The following GALNT18 variants were observed in gnomAD, a reference collection of about 807,000 sequenced individuals.
The protein encoded by GALNT18 is polypeptide N-acetylgalactosaminyltransferase 18, also known as GalNAc-transferase 18.
GALNT18 carries 44 observed loss-of-function variants against 69.5 expected under a neutral mutation model. The ratio of observed to expected loss-of-function variants is 0.63; its 90% confidence interval spans 0.50 to 0.81. The LOEUF is 0.81. Among genes scored for constraint, GALNT18 ranks in the 40% least tolerant of loss-of-function variants. The pLI, the probability that GALNT18 is intolerant of heterozygous loss-of-function variation, is 0.00. For synonymous variants in GALNT18, 364 were observed against 318.2 expected (o/e 1.14, Z -1.53); for missense variants, 715 against 810.0 (o/e 0.88, Z 1.42).
In GALNT18 at chr11:11,341,059, C is replaced by G; in HGVS notation, c.1093-55G>C. Reference sequence around the variant, plus strand: ...GCCTGCCTGGCTCTGCCTTTCTACACCAGGCCTCAGGCAGCCACTTGACAT... The same window carrying G: ...GCCTGCCTGGCTCTGCCTTTCTACAGCAGGCCTCAGGCAGCCACTTGACAT... On this transcript the variant is annotated intron_variant, in intron 6 of 10. Coordinates refer to ENST00000227756, the MANE Select transcript of GALNT18 (RefSeq NM_198516.3). This position sits in a 1 kb window ranked among gnomAD's most constrained non-coding sequence, Gnocchi z 6.3. 6.6e-7 allele frequency: 1 copy of G among 1,519,608 alleles called. No homozygotes were observed. The highest frequency in any genetic ancestry group is 8.9e-7 in the Non-Finnish European group (1 of 1,126,940). 94.1% of individuals were successfully genotyped at this position (1,519,608 alleles called of 1,614,324 possible). A position where few individuals can be genotyped will look rare whatever the true frequency, so the allele number is the denominator to read the frequency against.
chr11:11,303,861 A>G (rs1055757320), intron 9 of GALNT18, among the ~76,000 whole-genome samples: 1 of 152,216 alleles, frequency 6.6e-6, no homozygotes, highest in Admixed American at 6.5e-5. Context: ...CCTTTGGTGA[A>G]AAGCACATTT....
intron 1 of GALNT18, among the ~76,000 whole-genome samples, chr11:11,554,991 T>A (rs1224663536): frequency 4.6e-5 from 7 of 152,190 alleles, no homozygotes; most frequent in African/African-American, 1.7e-4. Context: ...CTGAACCTAC[T>A]CTTGCAGGCA....
chr11:11,340,777 C>T lies in GALNT18; in HGVS notation c.1278+42G>A. Reference sequence around the variant, plus strand: ...TCCCATATCTTGTTTTGTTTGTTTTCCACCAATCCCCGAGAAACTCATCCC... The same window carrying T: ...TCCCATATCTTGTTTTGTTTGTTTTTCACCAATCCCCGAGAAACTCATCCC... On this transcript the variant is annotated intron_variant, in intron 7 of 10. Transcript: ENST00000227756. This position sits in a 1 kb window ranked among gnomAD's most constrained non-coding sequence, Gnocchi z 4.2. 6.5e-7 allele frequency: 1 copy of T among 1,544,772 alleles called. No individual in the cohort carries two copies. The highest frequency in any genetic ancestry group is 1.2e-5 in the South Asian group (1 of 81,726).
At chr11:11,297,287 GC>G (rs1849418379) in intron 9 of GALNT18, among the ~76,000 whole-genome samples, 2 of 152,160 alleles carry the variant, frequency 1.3e-5, no homozygotes, top group South Asian at 4.1e-4. Flanking sequence ...CTTACACTGT[GC>G]CAGACATGAA....
In GALNT18 at chr11:11,619,316, A is replaced by G. The variant is rs777233695; in HGVS notation, c.235+2043T>C. 4.5e-4 allele frequency among the ~76,000 whole-genome samples: 68 copies of G among 152,090 alleles called. No homozygotes were observed. Among genetic ancestry groups the G allele is most frequent in the Non-Finnish European group, 8.5e-4 (58 of 68,020 alleles). On this transcript the variant is annotated intron_variant, in intron 1 of 10. Transcript: ENST00000227756. The surrounding 1 kb of genome is among the most constrained non-coding windows in gnomAD (Gnocchi z 4.9). ...ACCCTGTCTCCTATTTTTTTAACCT[A>G]TCTTCTCCAATTTTTCAGGTATAGA...
intron 9 of GALNT18, among the ~76,000 whole-genome samples, chr11:11,301,829 T>TATCA (rs1381413262): frequency 1.3e-5 from 2 of 152,162 alleles, no homozygotes; most frequent in African/African-American, 4.8e-5. Flanking sequence ...CCTCAGGGAC[T>TATCA]ATCAGCCTGG....
chr11:11,400,069 CA>C (rs1220096692), intron 3 of GALNT18, among the ~76,000 whole-genome samples: 1 of 152,148 alleles, frequency 6.6e-6, no homozygotes, highest in Non-Finnish European at 1.5e-5. Context: ...GATGATGTGT[CA>C]CTTCTGAGAC....
chr11:11,517,166 A>G (rs560986208), intron 1 of GALNT18, among the ~76,000 whole-genome samples: 3 of 152,352 alleles, frequency 2.0e-5, no homozygotes, highest in South Asian at 2.1e-4. Flanking sequence ...CTCCAGAACT[A>G]TAAAAAACAA....
At chr11:11,442,740 G>A (rs1363564253) in intron 2 of GALNT18, among the ~76,000 whole-genome samples, 3 of 152,160 alleles carry the variant, frequency 2.0e-5, no homozygotes, top group African/African-American at 4.8e-5. Flanking sequence ...ACCTAGGGCT[G>A]CAGAACATAT....
chr11:11,372,701 C>T lies in GALNT18; in HGVS notation c.978-72G>A, dbSNP rs1850940545. The T allele has an allele frequency of 1.7e-6, 2 of 1,153,724 alleles. No homozygotes were observed. Among genetic ancestry groups the T allele is most frequent in the Non-Finnish European group, 2.6e-6 (2 of 777,686 alleles). The allele number at this position is 1,153,724 out of a possible 1,614,324, so 71.5% of individuals were successfully genotyped here. A position where few individuals can be genotyped will look rare whatever the true frequency, so the allele number is the denominator to read the frequency against. On this transcript the variant is annotated intron_variant, in intron 5 of 10. Coordinates refer to ENST00000227756, the MANE Select transcript of GALNT18 (RefSeq NM_198516.3). This position sits in a 1 kb window ranked among gnomAD's most constrained non-coding sequence, Gnocchi z 4.9. ...GAGGAGTAAGAGCAGTAAGGCCTTC[C>T]TATCAGGAGGGTCTGGTTCTCTTCC...
intron 2 of GALNT18, among the ~76,000 whole-genome samples, chr11:11,433,591 G>A (rs1330738251): frequency 6.6e-6 from 1 of 152,190 alleles, no homozygotes; most frequent in African/African-American, 2.4e-5. Flanking sequence ...AAATCCTGAA[G>A]CCATTTGGTG....
intron 2 of GALNT18, among the ~76,000 whole-genome samples, chr11:11,446,086 A>G (rs1855645152): frequency 2.0e-5 from 3 of 152,206 alleles, no homozygotes; most frequent in African/African-American, 7.2e-5. Flanking sequence ...ACGATCCGGC[A>G]TCTGAGACAT....
intron 6 of GALNT18, among the ~76,000 whole-genome samples, chr11:11,342,729 GGTTATGA>G (rs1850231367): frequency 6.6e-6 from 1 of 152,180 alleles, no homozygotes. Flanking sequence ...ATGGTGGGTG[GGTTATGA>G]ACAGGGCTGG....
At chr11:11,433,880 G>C (rs1359127620) in intron 2 of GALNT18, among the ~76,000 whole-genome samples, 1 of 152,174 alleles carries the variant, frequency 6.6e-6, no homozygotes, top group Non-Finnish European at 1.5e-5. Context: ...GTTTGGAGAG[G>C]AGGGTTCCCA....
At chr11:11,615,339 TG>T in intron 1 of GALNT18, among the ~76,000 whole-genome samples, 1 of 152,346 alleles carries the variant, frequency 6.6e-6, no homozygotes, top group South Asian at 2.1e-4. Context: ...GTTACTGACC[TG>T]GTATACATTA....
At chr11:11,381,099 G>A (rs570811272) in intron 3 of GALNT18, among the ~76,000 whole-genome samples, 83 of 152,268 alleles carry the variant, frequency 5.5e-4, no homozygotes, top group African/African-American at 1.8e-3. Context: ...GGAGGTCACT[G>A]TCCCACAAAT....
intron 10 of GALNT18, among the ~76,000 whole-genome samples, chr11:11,279,279 T>C (rs572421761): frequency 2.8e-4 from 43 of 152,288 alleles, no homozygotes; most frequent in African/African-American, 9.9e-4. Flanking sequence ...TTAATTTCTT[T>C]GTAGCAATGC....
At chr11:11,289,084 C>CA (rs1375314653) in intron 10 of GALNT18, among the ~76,000 whole-genome samples, 1 of 152,052 alleles carries the variant, frequency 6.6e-6, no homozygotes, top group Non-Finnish European at 1.5e-5. Context: ...AAACCTGTTG[C>CA]AAGAAAATTA....
At chr11:11,516,626 A>G (rs901654461) in intron 1 of GALNT18, among the ~76,000 whole-genome samples, 4 of 152,280 alleles carry the variant, frequency 2.6e-5, no homozygotes, top group African/African-American at 9.6e-5. Flanking sequence ...GTGAAACTCC[A>G]TCTCAAAACA....
Sources: gnomAD v4.1 joint callset for allele counts (sites outside exome capture counted in the v4.1 genomes callset) on GRCh38, gnomAD v4.1.1 for gene constraint, Gnocchi (gnomAD v3.1) non-coding constraint, MANE v1.5 for transcripts, NCBI Gene and HGNC (gene_info 2026-07-23, HGNC 2026-07-21) for gene names.